ZZEF1: variants seen among roughly 807,000 people sequenced by gnomAD.
ZZEF1 encodes zinc finger ZZ-type and EF-hand domain containing 1, also known as zinc finger ZZ-type and EF-hand domain-containing protein 1.
Under a neutral mutation model 342.8 loss-of-function variants are expected in ZZEF1, and 157 were observed. That is an observed-to-expected ratio of 0.46 (90% CI 0.40 to 0.52). The LOEUF is 0.52. Among genes scored for constraint, ZZEF1 ranks in the 20% least tolerant of loss-of-function variants. The pLI is 0.00. For synonymous variants in ZZEF1, 1,505 were observed against 1,429.1 expected (o/e 1.05, Z -1.20); for missense variants, 3,480 against 3,725.6 (o/e 0.93, Z 1.72).
chr17:4,010,875 T>G (rs2055934265), intron 52 of ZZEF1, among the ~76,000 whole-genome samples: 1 of 152,086 alleles, frequency 6.6e-6, no homozygotes, highest in South Asian at 2.1e-4. Context: ...CCACCAGCAG[T>G]TGACCCTATC....
chr17:4,088,633 C>A, intron 13 of ZZEF1, 45 bp downstream of exon 13: 1 of 1,595,830 alleles, frequency 6.3e-7, no homozygotes, highest in South Asian at 1.1e-5. Flanking sequence ...TACTGTCATT[C>A]ACTTTTCCTA....
Position 4,087,419 on chromosome 17 carries a change from C to T in ZZEF1, c.2342+15G>A. 1 of 1,597,686 alleles carries T rather than the reference C, an allele frequency of 6.3e-7. No individual in the cohort carries two copies. Among genetic ancestry groups the T allele is most frequent in the Non-Finnish European group, 8.5e-7 (1 of 1,171,088 alleles). On this transcript the variant is annotated intron_variant, in intron 14 of 54. Transcript: ENST00000381638. ...AGTTTATGTGCTTATCACCTTATAA[C>T]AAATTCTGACCTACTTTTGCTTTAA...
intron 37 of ZZEF1, among the ~76,000 whole-genome samples, chr17:4,046,660 G>C (rs1403395119): frequency 6.6e-6 from 1 of 152,198 alleles, no homozygotes; most frequent in Non-Finnish European, 1.5e-5. Context: ...AACTGGGAGA[G>C]CTACTTGCTT....
chr17:4,075,080 C>T lies in ZZEF1; in HGVS notation c.3483+17G>A. ...TTGGTGCAGAAGTAGGTACCTCTTT[C>T]TGGGACTATCACTCACCTTGGGCCA... is the stretch of plus-strand genomic sequence containing the variant. On this transcript the variant is annotated intron_variant, in intron 23 of 54. Coordinates refer to ENST00000381638, the MANE Select transcript of ZZEF1 (RefSeq NM_015113.4). 6.2e-7 allele frequency: 1 copy of T among 1,613,916 alleles called. No individual in the cohort carries two copies. Among genetic ancestry groups the T allele is most frequent in the African/African-American group, 1.3e-5 (1 of 75,048 alleles).
At chr17:4,129,978 CAAA>C (rs2058637628) in intron 1 of ZZEF1, among the ~76,000 whole-genome samples, 2 of 151,998 alleles carry the variant, frequency 1.3e-5, no homozygotes, top group African/African-American at 4.8e-5. Context: ...CTCGAGAACA[CAAA>C]GAAGAAACAA....
At chr17:4,076,137 C>CTTTCTTTTTTTTTTT (rs1555599391) in intron 21 of ZZEF1, 2 of 122,190 alleles carry the variant, frequency 1.6e-5, no homozygotes, top group African/African-American at 6.5e-5. Flanking sequence ...CGTCTCCTTT[C>CTTTCTTTTTTTTTTT]TTTTTTTTTT....
chr17:4,111,667 AATATATAG>A (rs2058303106), intron 5 of ZZEF1, among the ~76,000 whole-genome samples: 3 of 149,594 alleles, frequency 2.0e-5, no homozygotes. Flanking sequence ...TCAAAAAAAA[AATATATAG>A]AAAAAACATA....
intron 10 of ZZEF1, among the ~76,000 whole-genome samples, chr17:4,096,195 C>T (rs560797475): frequency 6.6e-6 from 1 of 152,260 alleles, no homozygotes; most frequent in South Asian, 2.1e-4. Context: ...AAAGACTTTA[C>T]AGTCTATCCA....
intron 2 of ZZEF1, among the ~76,000 whole-genome samples, chr17:4,122,555 T>A (rs1228751987): frequency 6.6e-6 from 1 of 152,110 alleles, no homozygotes; most frequent in Non-Finnish European, 1.5e-5. Context: ...AATTTTTGTA[T>A]TTTTAGTAGA....
In ZZEF1 at chr17:4,082,519, G is replaced by T; in HGVS notation, c.2647-15C>A. The T allele has an allele frequency of 1.2e-6, 2 of 1,612,936 alleles. No individual in the cohort carries two copies. The highest frequency in any genetic ancestry group is 1.1e-5 in the South Asian group (1 of 90,990). On this transcript the variant is annotated splice_polypyrimidine_tract_variant and intron_variant, in intron 16 of 54. Transcript: ENST00000381638. The stretch of plus-strand genomic sequence containing the variant: ...TCGGTGACATTCTTCTAGAAAACCA[G>T]AAATTGTATATTCAGAAAATCTAGT...
At chr17:4,109,614 G>A (rs772725906) in intron 6 of ZZEF1, 39 bp downstream of exon 6, 7 of 1,593,998 alleles carry the variant, frequency 4.4e-6, no homozygotes, top group Non-Finnish European at 5.2e-6. Flanking sequence ...GAGAATGAGG[G>A]CATGTTGAGG....
chr17:4,026,031 A>G (rs1271895806), intron 42 of ZZEF1, among the ~76,000 whole-genome samples: 3 of 152,026 alleles, frequency 2.0e-5, no homozygotes, highest in African/African-American at 4.8e-5. Flanking sequence ...ATATCAGAGC[A>G]GGGAGATGCA....
chr17:4,070,829 A>T lies in ZZEF1; in HGVS notation c.3930T>A (p.Leu1310=). The change falls in exon 26 of 55, where the codon CTT becomes CTA. Residue 1310 remains leucine, a synonymous_variant. Transcript: ENST00000381638. ...TACATGCCTGTATGAATCCTTTGAA[A>T]AGTTCTGAATATGGCCCACAGAAGT... ...AQNFCGPYSE[L]FKGFIQACRK... 6.2e-7 allele frequency: 1 copy of T among 1,614,194 alleles called. No individual in the cohort carries two copies.
In ZZEF1 at chr17:4,006,466, T is replaced by A; in HGVS notation, c.*424A>T. On this transcript the variant is annotated 3_prime_UTR_variant, in exon 55 of 55. Coordinates refer to ENST00000381638, the MANE Select transcript of ZZEF1 (RefSeq NM_015113.4). ...TCCCAGGCTGGGCAGCCACTGGGGGTCTTGCTGGAAAGGTGGATCTGGGTG... is the reference window on the plus strand; with the variant it reads ...TCCCAGGCTGGGCAGCCACTGGGGGACTTGCTGGAAAGGTGGATCTGGGTG... The A allele has an allele frequency of 4.3e-6, 1 of 233,188 alleles. No homozygotes were observed. The highest frequency in any genetic ancestry group is 8.6e-6 in the Non-Finnish European group (1 of 116,334). The allele number at this position is 233,188 out of a possible 1,614,324, so 14.4% of individuals were successfully genotyped here. A position where few individuals can be genotyped will look rare whatever the true frequency, so the allele number is the denominator to read the frequency against.
Position 4,087,415 on chromosome 17 carries a change from A to T in ZZEF1, c.2342+19T>A, listed in dbSNP as rs531004650. The T allele has an allele frequency of 5.7e-6, 9 of 1,590,604 alleles. No individual in the cohort carries two copies. The highest frequency in any genetic ancestry group is 7.7e-6 in the Non-Finnish European group (9 of 1,165,352). On this transcript the variant is annotated intron_variant, in intron 14 of 54. Coordinates refer to ENST00000381638, the MANE Select transcript of ZZEF1 (RefSeq NM_015113.4). ...TTTCAGTTTATGTGCTTATCACCTTATAACAAATTCTGACCTACTTTTGCT... is the reference window on the plus strand; with the variant it reads ...TTTCAGTTTATGTGCTTATCACCTTTTAACAAATTCTGACCTACTTTTGCT...
At chr17:4,112,895 AT>A in intron 4 of ZZEF1, 87 bp from the exon 5 acceptor site, 3 of 1,172,266 alleles carry the variant, frequency 2.6e-6, no homozygotes, top group Non-Finnish European at 3.5e-6. Context: ...AAGAGCTTAC[AT>A]TTGATATATC....
intron 39 of ZZEF1, among the ~76,000 whole-genome samples, chr17:4,036,807 ACACACACACACT>A (rs749261268): frequency 2.1e-5 from 2 of 94,986 alleles, no homozygotes; most frequent in Non-Finnish European, 3.6e-5. Flanking sequence ...ACACACACAC[ACACACACACACT>A]CTCTCTCTCT....
At chr17:4,009,969 A>C (rs1285261203) in intron 52 of ZZEF1, among the ~76,000 whole-genome samples, 1 of 152,184 alleles carries the variant, frequency 6.6e-6, no homozygotes, top group African/African-American at 2.4e-5. Context: ...CTTTAAAACC[A>C]GGCTCCAAGG....
intron 18 of ZZEF1, among the ~76,000 whole-genome samples, chr17:4,078,468 G>A (rs953086584): frequency 2.0e-5 from 3 of 152,134 alleles, no homozygotes; most frequent in Non-Finnish European, 4.4e-5. Context: ...AGGGTTATCT[G>A]ACCTCCAGAT....
Sources: gnomAD v4.1 joint callset for allele counts (sites outside exome capture counted in the v4.1 genomes callset) on GRCh38, gnomAD v4.1.1 for gene constraint, MANE v1.5 for transcripts, NCBI Gene and HGNC (gene_info 2026-07-23, HGNC 2026-07-21) for gene names.